The following POLE variants were observed in gnomAD, a reference collection of about 807,000 sequenced individuals.
POLE encodes the protein DNA polymerase epsilon catalytic subunit A.
POLE carries 188 observed loss-of-function variants against 279.2 expected under a neutral mutation model. The ratio of observed to expected loss-of-function variants is 0.67; its 90% CI spans 0.60 to 0.76. The LOEUF (loss-of-function observed/expected upper bound fraction) is 0.76, where lower values mean the gene tolerates loss of function less well. Ranked by LOEUF, POLE falls within the 30% of genes least tolerant of loss-of-function variation. The pLI, the probability that POLE is intolerant of heterozygous loss-of-function variation, is 0.00. For synonymous variants in POLE, 1,214 were observed against 1,172.5 expected (o/e 1.04, Z -0.72); for missense variants, 2,703 against 3,016.7 (o/e 0.90, Z 2.44).
In POLE at chr12:132,634,225, C is replaced by G. The variant is rs2041989730; in HGVS notation, c.5965G>C (p.Ala1989Pro). ...AGGAAGTAGTTCTGGCAGGAGGCTG[C>G]CTGTGGCAAAAACTGCAAAATGTTC... ...NWNILQFLPQ[A>P]ASCQNYFLMI... Residue 1989 changes from alanine (A) to proline (P), a missense_variant, in exon 43 of 49, where the codon GCA (alanine) becomes CCA (proline). This residue lies in a region of POLE where 1,551 missense variants were observed against 1,686.1 expected (regional missense o/e 0.92). Coordinates refer to ENST00000320574, the MANE Select transcript of POLE (RefSeq NM_006231.4). The surrounding 1 kb of genome is among the most constrained non-coding windows in gnomAD (Gnocchi z 4.0). 2 of 1,614,006 alleles carry G rather than the reference C, an allele frequency of 1.2e-6. No individual in the cohort carries two copies. The highest frequency in any genetic ancestry group is 1.7e-6 in the Non-Finnish European group (2 of 1,179,908).
intron 32 of POLE, among the ~76,000 whole-genome samples, chr12:132,646,546 T>C (rs2042287885): frequency 6.7e-6 from 1 of 149,418 alleles, no homozygotes. Context: ...AAAAAAAAAT[T>C]CTGGGGCCGG....
chr12:132,638,505 T>C (rs1352336933), intron 40 of POLE: 1 of 173,618 alleles, frequency 5.8e-6, no homozygotes, highest in Non-Finnish European at 1.2e-5. Flanking sequence ...AATCCTAAGT[T>C]AAGACTGCAC....
chr12:132,625,150 C>A, intron 47 of POLE, 156 bp from the exon 48 acceptor site: 1 of 680,578 alleles, frequency 1.5e-6, no homozygotes, highest in South Asian at 1.6e-5. Context: ...GTAAAATGCA[C>A]GACCTCATCC....
chr12:132,667,706 C>G (rs2042829014), intron 19 of POLE, 58 bp from the exon 20 acceptor site: 1 of 1,580,480 alleles, frequency 6.3e-7, no homozygotes, highest in Non-Finnish European at 8.7e-7. Flanking sequence ...GCAGAGGGAG[C>G]CAGGGCACAG....
At chr12:132,642,075 C>G (rs754516639) in intron 38 of POLE, 102 bp downstream of exon 38, 1 of 1,155,702 alleles carries the variant, frequency 8.7e-7, no homozygotes, top group Admixed American at 2.2e-5. Context: ...CCTGCGCGGT[C>G]GAACTCTGAG....
chr12:132,680,763 G>A (rs2043150146), intron 2 of POLE, 76 bp from the exon 3 acceptor site: 1 of 1,144,766 alleles, frequency 8.7e-7, no homozygotes, highest in Non-Finnish European at 1.3e-6. Context: ...TACCTTTCGG[G>A]AAACTCAGCA....
At chr12:132,671,536 G>A (rs577749867) in intron 16 of POLE, among the ~76,000 whole-genome samples, 10 of 151,492 alleles carry the variant, frequency 6.6e-5, no homozygotes, top group African/African-American at 2.4e-4. Context: ...AGGTGTGGTG[G>A]CGGATGCCTG....
At chr12:132,660,821 T>C (rs2138686745) in intron 25 of POLE, 148 bp downstream of exon 25, 1 of 535,444 alleles carries the variant, frequency 1.9e-6, no homozygotes, top group East Asian at 2.9e-5. Context: ...AAGGGGGTAA[T>C]TGTGCTCAGG....
At chr12:132,625,293 G>A (rs759332101) in intron 47 of POLE, 25 of 725,940 alleles carry the variant, frequency 3.4e-5, no homozygotes, top group African/African-American at 1.9e-4. Flanking sequence ...ACCACCACAC[G>A]GCAGCTTGGC....
At chr12:132,674,317 G>C (rs1182405388) in intron 12 of POLE, among the ~76,000 whole-genome samples, 1 of 151,892 alleles carries the variant, frequency 6.6e-6, no homozygotes, top group Non-Finnish European at 1.5e-5. Context: ...CCACCCTGTG[G>C]CCTTCTTCTC....
At chr12:132,657,280 C>T (rs1565953249) in intron 28 of POLE, 22 bp from the exon 29 acceptor site, 1 of 1,614,080 alleles carries the variant, frequency 6.2e-7, no homozygotes, top group African/African-American at 1.3e-5. Flanking sequence ...CAACACCCAT[C>T]AGAGAGAGAC....
intron 14 of POLE, 146 bp downstream of exon 14, chr12:132,673,018 G>A (rs1056057237): frequency 2.5e-5 from 19 of 750,180 alleles, no homozygotes; most frequent in Non-Finnish European, 4.1e-5. Context: ...ATTCCCAAAG[G>A]ACATCCCTGA....
chr12:132,628,698 T>C (rs2041882259), intron 45 of POLE, among the ~76,000 whole-genome samples: 1 of 151,812 alleles, frequency 6.6e-6, no homozygotes, highest in African/African-American at 2.4e-5. Flanking sequence ...AAAACTACTT[T>C]ACTGCTCATC....
At chr12:132,637,524 G>A (rs755091703) in intron 41 of POLE, among the ~76,000 whole-genome samples, 2 of 152,230 alleles carry the variant, frequency 1.3e-5, no homozygotes, top group Non-Finnish European at 2.9e-5. Flanking sequence ...GCAAGGCCTA[G>A]GAGGGAACCT....
intron 6 of POLE, among the ~76,000 whole-genome samples, chr12:132,678,798 T>C (rs2043109603): frequency 6.6e-6 from 1 of 152,204 alleles, no homozygotes; most frequent in Non-Finnish European, 1.5e-5. Flanking sequence ...GCTCAAATAC[T>C]GAACGGGCTA....
chr12:132,673,168 TCG>T lies in POLE; in HGVS notation c.1467_1468del (p.Asp490ArgfsTer12), dbSNP rs1060500792. 5 of 1,598,282 alleles carry T rather than the reference TCG, an allele frequency of 3.1e-6. No individual in the cohort carries two copies. In the Admixed American group the frequency reaches 8.3e-5, roughly 27 times the overall value. ...GACAGGACAGATAATGCTCACCTCG[TCG>T]GGCTCCATGGGAATAATGGTGCACA... On this transcript the variant is annotated frameshift_variant, in exon 14 of 49. Transcript: ENST00000320574. LOFTEE classifies it high-confidence loss of function.
Position 132,625,766 on chromosome 12 carries a change from C to G in POLE, c.6536G>C (p.Gly2179Ala), listed in dbSNP as rs775303473. 9 of 1,610,420 alleles carry G rather than the reference C, an allele frequency of 5.6e-6. No homozygotes were observed. Among genetic ancestry groups the G allele is most frequent in the Non-Finnish European group, 7.6e-6 (9 of 1,179,892 alleles). Residue 2179 changes from glycine (G) to alanine (A), a missense_variant, in exon 47 of 49, where the codon GGG becomes GCG. By Grantham distance (60) the Gly-to-Ala change is moderately conservative. This residue lies in a region of POLE where 1,551 missense variants were observed against 1,686.1 expected (regional missense o/e 0.92). Coordinates refer to ENST00000320574, the MANE Select transcript of POLE (RefSeq NM_006231.4). Reference sequence around the variant, plus strand: ...GCAGAGCCACTGAGGCAGGACCGCCCCATCCTAGGCAGAGCAAGAGTGCGA... The same window carrying G: ...GCAGAGCCACTGAGGCAGGACCGCCGCATCCTAGGCAGAGCAAGAGTGCGA... ...LCKDSSFSED[G>A]AVLPQWLCSN... is the part of the protein sequence containing the mutation.
In POLE at chr12:132,649,702, T is replaced by C. The variant is rs1361944688; in HGVS notation, c.3770A>G (p.Gln1257Arg). The change falls in exon 30 of 49, where the codon CAG (glutamine) becomes CGG (arginine). Residue 1257 changes from glutamine (Q) to arginine (R), a missense_variant. Coordinates refer to ENST00000320574, the MANE Select transcript of POLE (RefSeq NM_006231.4). ...PTVPWQEILG[Q>R]PPALGTSQEE... The stretch of plus-strand genomic sequence containing the variant: ...CTGGCTGGTTCCCAGGGCGGGAGGC[T>C]GCCCCAAGATTTCCTGCCAGGGCAC... 2 of 1,614,112 alleles carry C rather than the reference T, an allele frequency of 1.2e-6. No homozygotes were observed. The highest frequency in any genetic ancestry group is 3.3e-5 in the Admixed American group (2 of 60,024).
chr12:132,663,897 C>T, intron 23 of POLE, 107 bp downstream of exon 23: 1 of 1,181,388 alleles, frequency 8.5e-7, no homozygotes, highest in Non-Finnish European at 1.2e-6. Flanking sequence ...GTGAGCAGTG[C>T]TGGGTGCCAG....
Sources: gnomAD v4.1 joint callset for allele counts (sites outside exome capture counted in the v4.1 genomes callset) on GRCh38, gnomAD v4.1.1 for gene constraint, gnomAD v4.1.1 regional missense constraint, Gnocchi (gnomAD v3.1) non-coding constraint, MANE v1.5 for transcripts, NCBI Gene and HGNC (gene_info 2026-07-23, HGNC 2026-07-21) for gene names.